The following CNBD1 variants were observed in gnomAD, a reference collection of about 807,000 sequenced individuals.
CNBD1 encodes the protein cyclic nucleotide binding domain containing 1.
In CNBD1, 71 loss-of-function variants were observed where a neutral mutation model predicts 54.4. That is an observed-to-expected ratio of 1.30 (90% CI 1.08 to 1.59). The LOEUF (loss-of-function observed/expected upper bound fraction) is 1.59, where lower values mean the gene tolerates loss of function less well. CNBD1 is among the 40% of genes most tolerant of loss of function. The pLI, the probability that CNBD1 is intolerant of heterozygous loss-of-function variation, is 0.00. For synonymous variants in CNBD1, 182 were observed against 170.7 expected, an observed-to-expected ratio of 1.07 and a Z score of -0.51; for missense variants, 659 against 518.0, an observed-to-expected ratio of 1.27 and a Z score of -2.64.
intron 4 of CNBD1, among the ~76,000 whole-genome samples, chr8:86,989,251 G>A (rs1808682289): frequency 6.6e-6 from 1 of 152,022 alleles, no homozygotes; most frequent in African/African-American, 2.4e-5. Flanking sequence ...CTGCGATCAT[G>A]CCACTGCAGC....
At chr8:86,975,159 G>A (rs1444963789) in intron 4 of CNBD1, among the ~76,000 whole-genome samples, 2 of 152,000 alleles carry the variant, frequency 1.3e-5, no homozygotes, top group African/African-American at 2.4e-5. Context: ...ACAGTGTGAT[G>A]TTTTGAAGCA....
At chr8:86,875,901 G>A (rs1387264119) in intron 1 of CNBD1, among the ~76,000 whole-genome samples, 10 of 151,942 alleles carry the variant, frequency 6.6e-5, no homozygotes, top group Admixed American at 6.6e-4. Context: ...TGATTATTTG[G>A]ATAAATCTTA....
intron 10 of CNBD1, among the ~76,000 whole-genome samples, chr8:87,370,755 T>G (rs374661656): frequency 1.4e-3 from 200 of 147,752 alleles, no homozygotes; most frequent in African/African-American, 4.1e-3. Context: ...GTCAATTTTG[T>G]CTTTTGTTGC....
chr8:87,257,212 TA>T (rs34575857), intron 6 of CNBD1, among the ~76,000 whole-genome samples: 42,226 of 150,708 alleles, frequency 0.28, 6,286 homozygotes, highest in African/African-American at 0.39. Context: ...CTACTAAAAA[TA>T]AAAAAAATTA....
chr8:87,039,940 G>A (rs754843886), intron 4 of CNBD1, among the ~76,000 whole-genome samples: 6 of 152,154 alleles, frequency 3.9e-5, no homozygotes, highest in Non-Finnish European at 7.4e-5. Flanking sequence ...TGGGTGGGGA[G>A]CCACAAGACC....
At chr8:87,273,459 CA>C (rs898928497) in intron 6 of CNBD1, among the ~76,000 whole-genome samples, 5 of 152,012 alleles carry the variant, frequency 3.3e-5, no homozygotes, top group Admixed American at 3.3e-4. Context: ...TTCTCTGAAA[CA>C]AATTCAAAAT....
chr8:87,010,822 AT>A (rs200773645), intron 4 of CNBD1, among the ~76,000 whole-genome samples: 3 of 151,768 alleles, frequency 2.0e-5, no homozygotes, highest in African/African-American at 2.4e-5. Flanking sequence ...CACTGAAAAC[AT>A]TTTTTTTTAA....
chr8:86,983,151 T>C (rs1313683806), intron 4 of CNBD1, among the ~76,000 whole-genome samples: 5 of 152,048 alleles, frequency 3.3e-5, no homozygotes, highest in African/African-American at 4.8e-5. Flanking sequence ...AATTGTATCA[T>C]GGGGGCAGGC....
chr8:87,387,277 G>A (rs1230349250), downstream of CNBD1, among the ~76,000 whole-genome samples: 5 of 152,024 alleles, frequency 3.3e-5, no homozygotes, highest in Non-Finnish European at 5.9e-5. Context: ...CATGTAAATG[G>A]GCTAAACACT....
At chr8:87,325,897 C>A (rs1344654938) in intron 8 of CNBD1, among the ~76,000 whole-genome samples, 1 of 131,002 alleles carries the variant, frequency 7.6e-6, no homozygotes, top group Non-Finnish European at 1.7e-5. Context: ...TCTTCCTAGT[C>A]TCGATGGTCT....
intron 4 of CNBD1, among the ~76,000 whole-genome samples, chr8:87,034,331 T>G (rs974356273): frequency 6.6e-6 from 1 of 152,210 alleles, no homozygotes; most frequent in Non-Finnish European, 1.5e-5. Flanking sequence ...ACAGACCACT[T>G]TTTACTGTGA....
At chr8:87,320,741 T>C (rs1445373033) in intron 8 of CNBD1, among the ~76,000 whole-genome samples, 1 of 152,020 alleles carries the variant, frequency 6.6e-6, no homozygotes, top group Non-Finnish European at 1.5e-5. Flanking sequence ...ATGAGACCTA[T>C]CCTAACAAAT....
chr8:87,064,483 T>C (rs1408539876), intron 4 of CNBD1, among the ~76,000 whole-genome samples: 1 of 151,974 alleles, frequency 6.6e-6, no homozygotes, highest in Non-Finnish European at 1.5e-5. Context: ...CACTGTCTTC[T>C]TTGTTGAATT....
rs1811026304 is a variant in CNBD1, at chr8:87,379,408, C to A, written c.1304-3212C>A. Among the ~76,000 whole-genome samples the A allele has an allele frequency of 1.3e-5, 2 of 151,724 alleles. 1 individual carries two copies. The highest frequency in any genetic ancestry group is 4.2e-4 in the South Asian group (2 of 4,812). Reference sequence around the variant, plus strand: ...AGTAGACATCTACAGAACTCTCCACCCCAAATCAACAAAATATACATTTTT... The same window carrying A: ...AGTAGACATCTACAGAACTCTCCACACCAAATCAACAAAATATACATTTTT... On this transcript the variant is annotated intron_variant, in intron 10 of 10. Transcript: ENST00000518476.
intron 4 of CNBD1, among the ~76,000 whole-genome samples, chr8:87,126,397 T>G (rs1360332935): frequency 2.0e-5 from 3 of 152,054 alleles, no homozygotes; most frequent in Non-Finnish European, 2.9e-5. Flanking sequence ...TAGTGATAAC[T>G]GGTGTTGAGC....
chr8:87,354,145 C>T (rs938838931), intron 10 of CNBD1, among the ~76,000 whole-genome samples: 43 of 152,156 alleles, frequency 2.8e-4, no homozygotes, highest in African/African-American at 9.2e-4. Context: ...GTGTCCTGTC[C>T]TTCCTGCAAC....
intron 8 of CNBD1, among the ~76,000 whole-genome samples, chr8:87,311,903 A>G (rs1809274062): frequency 6.6e-6 from 1 of 152,086 alleles, no homozygotes; most frequent in Non-Finnish European, 1.5e-5. Context: ...TTGGACACTC[A>G]TGGACATAAA....
At chr8:87,188,009 T>C (rs1813515101) in intron 4 of CNBD1, among the ~76,000 whole-genome samples, 2 of 152,310 alleles carry the variant, frequency 1.3e-5, no homozygotes, top group South Asian at 4.1e-4. Context: ...TCAATATATG[T>C]CCAATTTCCT....
intron 5 of CNBD1, among the ~76,000 whole-genome samples, chr8:87,230,305 C>T (rs549275168): frequency 4.6e-5 from 7 of 152,174 alleles, no homozygotes; most frequent in South Asian, 2.1e-4. Flanking sequence ...ATTTGGGCAG[C>T]GACACAGATC....
Sources: gnomAD v4.1 joint callset for allele counts (sites outside exome capture counted in the v4.1 genomes callset) on GRCh38, gnomAD v4.1.1 for gene constraint, MANE v1.5 for transcripts, NCBI Gene and HGNC (gene_info 2026-07-23, HGNC 2026-07-21) for gene names.